BBS4: variants seen among roughly 807,000 people sequenced by gnomAD.
BBS4 encodes BBSome complex member BBS4.
Under a neutral mutation model 71.4 loss-of-function variants are expected in BBS4, and 58 were observed. The observed-to-expected ratio is 0.81, with a 90% confidence interval of 0.66 to 1.01. BBS4 has a LOEUF of 1.01. Among genes scored for constraint, BBS4 ranks in the 50% least tolerant of loss-of-function variants. The pLI, the probability that BBS4 is intolerant of heterozygous loss-of-function variation, is 0.00. For missense variants in BBS4, 660 were observed against 607.9 expected (o/e 1.09, Z -0.90); for synonymous variants, 228 against 216.8 (o/e 1.05, Z -0.46).
chr15:72,715,916 C>T (rs2065460931), intron 5 of BBS4, among the ~76,000 whole-genome samples: 1 of 152,102 alleles, frequency 6.6e-6, no homozygotes, highest in Non-Finnish European at 1.5e-5. Flanking sequence ...GTATAGTATT[C>T]AGTAAATTAC....
At chr15:72,731,493 A>G in intron 11 of BBS4, 36 bp downstream of exon 11, 2 of 1,614,104 alleles carry the variant, frequency 1.2e-6, no homozygotes, top group Middle Eastern at 1.6e-4. Context: ...TTGTATTTCT[A>G]CATGTGGTTA....
intron 6 of BBS4, among the ~76,000 whole-genome samples, chr15:72,720,041 CT>C (rs1235793757): frequency 2.1e-3 from 298 of 144,592 alleles, no homozygotes; most frequent in Middle Eastern, 3.6e-3. Context: ...GAGCCACCAC[CT>C]TTTTTTTTTT....
intron 2 of BBS4, among the ~76,000 whole-genome samples, chr15:72,703,896 G>A (rs1218422864): frequency 6.6e-6 from 1 of 152,120 alleles, no homozygotes; most frequent in Admixed American, 6.6e-5. Context: ...TCATGTAAAG[G>A]TTTGATTTTT....
At chr15:72,711,076 C>T (rs546087441) in intron 3 of BBS4, among the ~76,000 whole-genome samples, 7 of 151,646 alleles carry the variant, frequency 4.6e-5, no homozygotes, top group Admixed American at 2.6e-4. Context: ...GCTGGGATTA[C>T]AGGCGTGAGC....
intron 2 of BBS4, among the ~76,000 whole-genome samples, chr15:72,698,516 C>T (rs1297971438): frequency 1.3e-5 from 2 of 152,122 alleles, no homozygotes. Flanking sequence ...TGGCTTATTC[C>T]ACTCAGCATT....
intron 6 of BBS4, among the ~76,000 whole-genome samples, chr15:72,719,586 G>T (rs1195945885): frequency 1.3e-5 from 2 of 152,032 alleles, no homozygotes; most frequent in Non-Finnish European, 2.9e-5. Context: ...CATAGAGGGA[G>T]ATAGGGAAGA....
At chr15:72,710,195 G>GTTCTT (rs1239689474) in intron 3 of BBS4, among the ~76,000 whole-genome samples, 3,513 of 103,278 alleles carry the variant, frequency 0.034, 448 homozygotes, top group African/African-American at 0.041. Context: ...ATTTTGTCGA[G>GTTCTT]TTTTTTTTTT....
chr15:72,700,264 G>A (rs761065892), intron 2 of BBS4, among the ~76,000 whole-genome samples: 1 of 152,070 alleles, frequency 6.6e-6, no homozygotes, highest in Non-Finnish European at 1.5e-5. Flanking sequence ...GGTTTTTTTT[G>A]TGTGTGCATG....
In BBS4 at chr15:72,714,993, G is replaced by C. The variant is rs1254974396; in HGVS notation, c.221-298G>C. Reference sequence around the variant, plus strand: ...GGAAGCCCCAAAATGTTGTTAATGTGAAGAGTTTGTGTGATAATTTGCAAA... The same window carrying C: ...GGAAGCCCCAAAATGTTGTTAATGTCAAGAGTTTGTGTGATAATTTGCAAA... On this transcript the variant is annotated intron_variant, in intron 4 of 15. Transcript: ENST00000268057. Among the ~76,000 whole-genome samples the C allele has an allele frequency of 2.0e-5, 3 of 152,360 alleles. No homozygotes were observed. In the East Asian group the frequency reaches 5.8e-4, roughly 29 times the overall value.
rs1222732398 is a variant in BBS4 at position 72,734,982 on chromosome 15, G to C, written c.1037-131G>C. 6 of 704,814 alleles carry C rather than the reference G, an allele frequency of 8.5e-6. No individual in the cohort carries two copies. In the African/African-American group the frequency reaches 8.8e-5, roughly 10 times the overall value. The allele number at this position is 704,814 out of a possible 1,614,324, so 43.7% of individuals were successfully genotyped here. The stretch of plus-strand genomic sequence containing the variant: ...GAAGAGATGGTTGAAGATAGCACCA[G>C]GTATCTAAGCTGACTTAGTAAACTC... On this transcript the variant is annotated intron_variant, in intron 12 of 15. Transcript: ENST00000268057.
chr15:72,731,217 G>T, intron 10 of BBS4, 88 bp from the exon 11 acceptor site: 1 of 1,551,394 alleles, frequency 6.4e-7, no homozygotes, highest in Admixed American at 1.7e-5. Context: ...ATGCTGATGG[G>T]CCTGCTGAGT....
rs1196010930 is a variant in BBS4, at chr15:72,736,894, C to T, written c.1381C>T (p.Pro461Ser). 1.9e-6 allele frequency: 3 copies of T among 1,614,174 alleles called. No homozygotes were observed. The highest frequency in any genetic ancestry group is 2.5e-6 in the Non-Finnish European group (3 of 1,180,032). ...CAGCAAACCTGCCAGTTTCCAGCAG[C>T]CTCTGGGCTCTAATCAAGCTCTAGG... ...STSKPASFQQPLGSNQALGQA... is the reference protein window; with the variant it reads ...STSKPASFQQSLGSNQALGQA... Residue 461 changes from proline (P) to serine (S), a missense_variant, in exon 15 of 16, where the codon CCT becomes TCT. By Grantham distance (74) the Pro-to-Ser change is moderately conservative. Transcript: ENST00000268057.
At chr15:72,720,681 A>G (rs2042128952) in intron 6 of BBS4, among the ~76,000 whole-genome samples, 1 of 151,980 alleles carries the variant, frequency 6.6e-6, no homozygotes, top group Non-Finnish European at 1.5e-5. Context: ...GGAAGATGGA[A>G]GTTGCTACAG....
chr15:72,735,877 G>A lies in BBS4; in HGVS notation c.1159G>A (p.Glu387Lys), dbSNP rs778082012. 3.5e-5 allele frequency: 57 copies of A among 1,613,968 alleles called. 1 individual carries two copies. Among genetic ancestry groups the A allele is most frequent in the East Asian group, 2.2e-4 (10 of 44,880 alleles). ...NYAVLLYNQG[E>K]KKNALAQYQE... is the part of the protein sequence containing the mutation. The stretch of plus-strand genomic sequence containing the variant: ...TGCTGTGCTGCTGTACAACCAGGGC[G>A]AGAAGAAGAACGCCCTGGCCCAATA... The change falls in exon 14 of 16, where the codon GAG (glutamate) becomes AAG (lysine). Residue 387 changes from glutamate (E) to lysine (K), a missense_variant. Coordinates refer to ENST00000268057, the MANE Select transcript of BBS4 (RefSeq NM_033028.5).
At chr15:72,720,525 C>A (rs1003131470) in intron 6 of BBS4, among the ~76,000 whole-genome samples, 2 of 151,056 alleles carry the variant, frequency 1.3e-5, no homozygotes, top group African/African-American at 4.9e-5. Context: ...TGTAGCCCTA[C>A]TTTCTTGGAC....
intron 2 of BBS4, among the ~76,000 whole-genome samples, chr15:72,698,431 T>C (rs1431305576): frequency 1.3e-5 from 2 of 152,134 alleles, no homozygotes; most frequent in Admixed American, 1.3e-4. Context: ...TCCATTCTAT[T>C]TTCTGTATCT....
intron 12 of BBS4, among the ~76,000 whole-genome samples, chr15:72,732,085 C>T (rs2065836392): frequency 6.6e-6 from 1 of 152,182 alleles, no homozygotes; most frequent in Non-Finnish European, 1.5e-5. Context: ...CCTGCCTCTA[C>T]TACTTATTAT....
At chr15:72,714,809 T>C (rs2065439320) in intron 4 of BBS4, among the ~76,000 whole-genome samples, 2 of 152,214 alleles carry the variant, frequency 1.3e-5, no homozygotes, top group South Asian at 4.1e-4. Flanking sequence ...CTGGTTCTAA[T>C]TGGTTGTTAC....
At chr15:72,729,901 C>A (rs1419640383) in intron 10 of BBS4, among the ~76,000 whole-genome samples, 3 of 152,150 alleles carry the variant, frequency 2.0e-5, no homozygotes, top group Non-Finnish European at 2.9e-5. Context: ...AGACGTGTAA[C>A]CCCTGCAGAA....
Sources: allele counts gnomAD v4.1 joint callset (sites outside exome capture counted in the v4.1 genomes callset), GRCh38; gene constraint gnomAD v4.1.1; transcripts MANE v1.5; gene names NCBI Gene and HGNC (gene_info 2026-07-23, HGNC 2026-07-21).